Variants in CCDC77 observed in about 807,000 individuals in gnomAD.
The protein encoded by CCDC77 is coiled-coil domain-containing protein 77.
A neutral mutation model predicts 66.8 loss-of-function variants in CCDC77; 56 were observed. That is an observed-to-expected ratio of 0.84 (90% CI 0.68 to 1.05). The LOEUF (loss-of-function observed/expected upper bound fraction) is 1.05. Ranked by LOEUF, CCDC77 falls within the 50% of genes least tolerant of loss-of-function variation. CCDC77 has a pLI of 0.00. For synonymous variants in CCDC77, 196 were observed against 195.2 expected (o/e 1.00, Z -0.03); for missense variants, 570 against 576.8 (o/e 0.99, Z 0.12).
chr12:426,650 A>G (rs562382299), intron 5 of CCDC77, among the ~76,000 whole-genome samples: 5 of 152,126 alleles, frequency 3.3e-5, no homozygotes, highest in Non-Finnish European at 7.4e-5. Flanking sequence ...AGAAATGCCC[A>G]TTGATTTGGT....
chr12:413,338 G>A (rs549368164), intron 4 of CCDC77, among the ~76,000 whole-genome samples: 3 of 151,280 alleles, frequency 2.0e-5, no homozygotes, highest in East Asian at 2.0e-4. Context: ...CCGGGTTCAC[G>A]CCATTCTCCT....
chr12:390,649 C>T (rs1224354149), intron 1 of CCDC77, among the ~76,000 whole-genome samples: 1 of 152,190 alleles, frequency 6.6e-6, no homozygotes, highest in Non-Finnish European at 1.5e-5. Context: ...TTTCCCTGGC[C>T]TCCAGCCTGC....
intron 3 of CCDC77, among the ~76,000 whole-genome samples, chr12:411,527 A>C (rs1945110290): frequency 6.6e-6 from 1 of 151,442 alleles, no homozygotes; most frequent in African/African-American, 2.4e-5. Context: ...TATATTGCCC[A>C]GGCTGGTCTT....
At chr12:413,001 C>T (rs1485142545) in intron 4 of CCDC77, among the ~76,000 whole-genome samples, 5 of 151,888 alleles carry the variant, frequency 3.3e-5, no homozygotes, top group Admixed American at 1.3e-4. Context: ...TGCAGTGGCG[C>T]GATCTCAGCT....
At chr12:417,526 G>A (rs979537310) in intron 4 of CCDC77, among the ~76,000 whole-genome samples, 1 of 152,120 alleles carries the variant, frequency 6.6e-6, no homozygotes, top group Admixed American at 6.6e-5. Flanking sequence ...CTCTCCCCAT[G>A]AAATTCCGTA....
Position 411,747 on chromosome 12 carries a change from G to A in CCDC77, c.39G>A (p.Lys13=), listed in dbSNP as rs747393530. ...FTPTHTPVCR[K]RTVVSKRGVA... The stretch of plus-strand genomic sequence containing the variant: ...ATATATCATTTCTAATTTCACGTAG[G>A]CGAACAGTTGTCTCCAAACGTGGTG... The change falls in exon 4 of 13, where the codon AAG becomes AAA. Residue 13 remains lysine (K), a splice_region_variant and synonymous_variant. Transcript: ENST00000239830. 18 of 1,610,722 alleles carry A rather than the reference G, an allele frequency of 1.1e-5. No homozygotes were observed. Among genetic ancestry groups the A allele is most frequent in the Non-Finnish European group, 1.4e-5 (17 of 1,178,198 alleles).
intron 3 of CCDC77, among the ~76,000 whole-genome samples, chr12:410,339 C>T (rs1177722873): frequency 6.6e-6 from 1 of 151,752 alleles, no homozygotes; most frequent in East Asian, 1.9e-4. Flanking sequence ...ATGATCTTGG[C>T]TCACCGCAAC....
intron 2 of CCDC77, among the ~76,000 whole-genome samples, chr12:406,021 G>A (rs1490226597): frequency 6.6e-6 from 1 of 151,026 alleles, no homozygotes; most frequent in East Asian, 1.9e-4. Context: ...CGGTGCAGGC[G>A]ATCCTCCTAC....
intron 12 of CCDC77, among the ~76,000 whole-genome samples, chr12:441,546 A>G (rs1470872358): frequency 6.6e-6 from 1 of 151,778 alleles, no homozygotes; most frequent in East Asian, 1.9e-4. Flanking sequence ...TGGTGCATTG[A>G]TCTCTACCTC....
At chr12:404,386 G>A (rs1944954436) in intron 1 of CCDC77, among the ~76,000 whole-genome samples, 1 of 152,206 alleles carries the variant, frequency 6.6e-6, no homozygotes, top group African/African-American at 2.4e-5. Flanking sequence ...AGTAACTATT[G>A]GATGGAGGAG....
At chr12:441,749 T>C (rs746624284) in intron 12 of CCDC77, 25 bp from the exon 13 acceptor site, 14 of 1,379,986 alleles carry the variant, frequency 1.0e-5, no homozygotes, top group East Asian at 2.5e-5. Flanking sequence ...TCATTTCTTT[T>C]TTTTTTTTTT....
At chr12:395,700 A>G (rs1057421991) in intron 1 of CCDC77, among the ~76,000 whole-genome samples, 12 of 151,872 alleles carry the variant, frequency 7.9e-5, no homozygotes, top group Non-Finnish European at 1.2e-4. Context: ...TCGACACCAG[A>G]GTGGCCAACA....
chr12:433,455 A>G (rs965858854), intron 9 of CCDC77, 133 bp downstream of exon 9: 1 of 1,416,004 alleles, frequency 7.1e-7, no homozygotes, highest in Non-Finnish European at 9.2e-7. Flanking sequence ...TTCCTCAGAA[A>G]CCCCCGCCTC....
At chr12:434,031 G>A (rs1371906296) in intron 9 of CCDC77, among the ~76,000 whole-genome samples, 1 of 151,998 alleles carries the variant, frequency 6.6e-6, no homozygotes, top group African/African-American at 2.4e-5. Context: ...ATTGGATGTT[G>A]TGTCTACACA....
rs146625380 is a variant in CCDC77 at position 423,308 on chromosome 12, A to ATTT, written c.413+4682_413+4684dup. Among the ~76,000 whole-genome samples the ATTT allele has an allele frequency of 9.9e-4, 130 of 130,696 alleles. No individual in the cohort carries two copies. The Middle Eastern group carries it at 0.011, about 11-fold the overall frequency. The allele number at this position is 130,696 out of a possible 152,430, so 85.7% of individuals were successfully genotyped here. A position where few individuals can be genotyped will look rare whatever the true frequency, so the allele number is the denominator to read the frequency against. On this transcript the variant is annotated intron_variant, in intron 5 of 12. Transcript: ENST00000239830. ...CCAGCTAATTTTTATATATATATAT[A>ATTT]TTTTTTTTTTTTGTGGAGACAAGGT...
intron 9 of CCDC77, among the ~76,000 whole-genome samples, chr12:435,450 C>T (rs117595521): frequency 1.3e-5 from 2 of 152,236 alleles, no homozygotes; most frequent in Non-Finnish European, 2.9e-5. Flanking sequence ...CTTTCTTATT[C>T]CTTAATTCCA....
chr12:433,807 C>T (rs1454127175), intron 9 of CCDC77, among the ~76,000 whole-genome samples: 2 of 152,098 alleles, frequency 1.3e-5, no homozygotes, highest in African/African-American at 2.4e-5. Flanking sequence ...CAGAACTCTG[C>T]CGGTGCTTTT....
chr12:425,979 C>A (rs892109423), intron 5 of CCDC77, among the ~76,000 whole-genome samples: 2 of 152,208 alleles, frequency 1.3e-5, no homozygotes, highest in Non-Finnish European at 2.9e-5. Flanking sequence ...ATTCTCCTGC[C>A]TCAGCCTCCC....
At chr12:394,808 G>A (rs7979991) in intron 1 of CCDC77, among the ~76,000 whole-genome samples, 5,662 of 152,270 alleles carry the variant, frequency 0.037, 343 homozygotes, top group African/African-American at 0.13. Context: ...CAGCACACCT[G>A]TAGGGAGGAG....
Sources: allele counts gnomAD v4.1 joint callset (sites outside exome capture counted in the v4.1 genomes callset), GRCh38; gene constraint gnomAD v4.1.1; transcripts MANE v1.5; gene names NCBI Gene and HGNC (gene_info 2026-07-23, HGNC 2026-07-21).